The following PTPN12 variants were observed in gnomAD, a reference collection of about 807,000 sequenced individuals.
The protein encoded by PTPN12 is tyrosine-protein phosphatase non-receptor type 12.
In PTPN12, 29 loss-of-function variants were observed where a neutral mutation model predicts 97.6. The observed-to-expected ratio is 0.30, with a 90% CI of 0.22 to 0.41. The LOEUF (loss-of-function observed/expected upper bound fraction) is 0.41. Among genes scored for constraint, PTPN12 ranks in the 10% least tolerant of loss-of-function variants. PTPN12 has a pLI of 1.00. For synonymous variants in PTPN12, 327 were observed against 300.4 expected, an observed-to-expected ratio of 1.09 and a Z score of -0.91; for missense variants, 819 against 926.0, an observed-to-expected ratio of 0.88 and a Z score of 1.50.
intron 12 of PTPN12, among the ~76,000 whole-genome samples, chr7:77,624,803 T>TA (rs892371254): frequency 5.3e-5 from 8 of 151,408 alleles, no homozygotes; most frequent in Non-Finnish European, 1.2e-4. Flanking sequence ...TCTGGTTGGA[T>TA]AAAAAAAGGT....
intron 8 of PTPN12, among the ~76,000 whole-genome samples, chr7:77,601,519 T>A (rs1367273803): frequency 6.6e-6 from 1 of 152,168 alleles, no homozygotes; most frequent in Non-Finnish European, 1.5e-5. Context: ...CTTTCTTTTT[T>A]TAATATATGT....
intron 3 of PTPN12, among the ~76,000 whole-genome samples, chr7:77,582,799 A>AAT (rs1787565492): frequency 6.6e-6 from 1 of 151,698 alleles, no homozygotes; most frequent in Non-Finnish European, 1.5e-5. Context: ...AAAAAAAAAA[A>AAT]GTTTATGTGG....
chr7:77,571,088 G>C lies in PTPN12; in HGVS notation c.110G>C (p.Arg37Thr). The C allele has an allele frequency of 6.4e-7, 1 of 1,567,094 alleles. No individual in the cohort carries two copies. Among genetic ancestry groups the C allele is most frequent in the East Asian group, 2.3e-5 (1 of 42,996 alleles). Residue 37 changes from arginine to threonine, a missense_variant, in exon 2 of 18, where the codon AGA becomes ACA. This residue lies in a region of PTPN12 where 66 missense variants were observed against 133.6 expected (regional missense o/e 0.49). Coordinates refer to ENST00000248594, the MANE Select transcript of PTPN12 (RefSeq NM_002835.4). ...TTGTTGTATTTTAAGCGGTTAAGAA[G>C]ATTGTCTACCAAATATAGAACAGAA... is the stretch of plus-strand genomic sequence containing the variant. ...NFARDFMRLR[R>T]LSTKYRTEKI...
At position 77,626,878 on chromosome 7, in the gene PTPN12, AACATT is replaced by A. The variant is rs773665607; in HGVS notation, c.1200_1204del (p.Gln400HisfsTer9). The A allele has an allele frequency of 6.2e-7, 1 of 1,613,146 alleles. No homozygotes were observed. Among genetic ancestry groups the A allele is most frequent in the Non-Finnish European group, 8.5e-7 (1 of 1,179,174 alleles). On this transcript the variant is annotated frameshift_variant, in exon 13 of 18. Transcript: ENST00000248594. LOFTEE classifies it high-confidence loss of function. ...GTGTTGCATATGGTTTCATCAGAAC[AACATT>A]CAGCAGACCTCAACAGAAACTATAG...
chr7:77,616,809 G>C (rs1385294204), intron 11 of PTPN12, among the ~76,000 whole-genome samples: 1 of 151,980 alleles, frequency 6.6e-6, no homozygotes, highest in African/African-American at 2.4e-5. Context: ...TTGAGACGGA[G>C]TCTTGCTCTG....
At chr7:77,547,115 GAA>G (rs1807261935) in intron 1 of PTPN12, among the ~76,000 whole-genome samples, 1 of 152,170 alleles carries the variant, frequency 6.6e-6, no homozygotes, top group African/African-American at 2.4e-5. Context: ...GGCTCTGAAG[GAA>G]TGCAAAGATT....
intron 2 of PTPN12, among the ~76,000 whole-genome samples, chr7:77,574,292 C>T (rs1016248106): frequency 2.0e-5 from 3 of 152,038 alleles, no homozygotes; most frequent in African/African-American, 7.2e-5. Flanking sequence ...TTAAACTGGT[C>T]CTCTGAAAGT....
chr7:77,540,076 T>C (rs1379493450), intron 1 of PTPN12, among the ~76,000 whole-genome samples: 2 of 152,122 alleles, frequency 1.3e-5, no homozygotes, highest in East Asian at 1.9e-4. Context: ...TTGTTATCCC[T>C]AGGCATATAC....
chr7:77,588,004 G>A (rs1289032938), intron 5 of PTPN12, among the ~76,000 whole-genome samples: 1 of 152,188 alleles, frequency 6.6e-6, no homozygotes, highest in Non-Finnish European at 1.5e-5. Flanking sequence ...TTGTAGAAAT[G>A]TTGCAGCTGG....
chr7:77,549,044 A>G (rs1046132107), intron 1 of PTPN12, among the ~76,000 whole-genome samples: 7 of 152,178 alleles, frequency 4.6e-5, no homozygotes, highest in African/African-American at 1.7e-4. Flanking sequence ...TTTTATCTCA[A>G]ATTATGGAAA....
At position 77,635,787 on chromosome 7, in the gene PTPN12, C is replaced by G; in HGVS notation, c.2080C>G (p.Pro694Ala). The G allele has an allele frequency of 6.3e-7, 1 of 1,595,800 alleles. No individual in the cohort carries two copies. Among genetic ancestry groups the G allele is most frequent in the East Asian group, 2.3e-5 (1 of 44,246 alleles). The part of the protein sequence containing the change: ...SFVLASEHNT[P>A]VRSEWSELQS... The stretch of plus-strand genomic sequence containing the variant: ...TAAGATTTCATTTTTCTCAGATACA[C>G]CTGTAAGATCGGAATGGAGTGAACT... Residue 694 changes from proline (P) to alanine (A), a missense_variant, in exon 15 of 18, where the codon CCT becomes GCT. Physicochemically the swap from Pro to Ala is conservative, Grantham distance 27 (BLOSUM62 -1). Coordinates refer to ENST00000248594, the MANE Select transcript of PTPN12 (RefSeq NM_002835.4).
intron 12 of PTPN12, among the ~76,000 whole-genome samples, chr7:77,620,548 C>A (rs1054184268): frequency 6.6e-6 from 1 of 152,124 alleles, no homozygotes; most frequent in African/African-American, 2.4e-5. Context: ...ATAAATTGTT[C>A]CAACATAACT....
rs1787704469 is a variant in PTPN12, at chr7:77,586,732, C to G, written c.420+1151C>G. 2.6e-5 allele frequency among the ~76,000 whole-genome samples: 4 copies of G among 152,328 alleles called. No individual in the cohort carries two copies. In the South Asian group the frequency reaches 8.3e-4, roughly 32 times the overall value. On this transcript the variant is annotated intron_variant, in intron 5 of 17. Transcript: ENST00000248594. ...ACTACTTGGCAAATTGGAGTCAGTC[C>G]TTTCAAACCCTTCCACTGCTTTATC...
intron 9 of PTPN12, among the ~76,000 whole-genome samples, chr7:77,608,433 A>G (rs1361546950): frequency 1.3e-5 from 2 of 152,210 alleles, no homozygotes; most frequent in Admixed American, 6.5e-5. Flanking sequence ...ACTGTGGATG[A>G]TACAGAGATA....
chr7:77,603,089 A>G (rs1788240387), intron 8 of PTPN12, among the ~76,000 whole-genome samples: 1 of 152,220 alleles, frequency 6.6e-6, no homozygotes, highest in African/African-American at 2.4e-5. Context: ...GAATCAGTTA[A>G]CAACTTGGTT....
chr7:77,621,476 C>G (rs921135284), intron 12 of PTPN12, among the ~76,000 whole-genome samples: 1 of 152,174 alleles, frequency 6.6e-6, no homozygotes, highest in Non-Finnish European at 1.5e-5. Flanking sequence ...CGAGACCAGC[C>G]TGGCCACCAT....
At chr7:77,599,772 A>C (rs1788134767) in intron 7 of PTPN12, among the ~76,000 whole-genome samples, 1 of 152,188 alleles carries the variant, frequency 6.6e-6, no homozygotes, top group African/African-American at 2.4e-5. Flanking sequence ...GTTATTTAGG[A>C]AATGGCCAAA....
intron 6 of PTPN12, among the ~76,000 whole-genome samples, chr7:77,596,212 G>A (rs1054066679): frequency 1.3e-4 from 19 of 151,776 alleles, no homozygotes; most frequent in African/African-American, 4.6e-4. Context: ...ACTTACAAAA[G>A]CAAATTGATG....
At position 77,626,905 on chromosome 7, in the gene PTPN12, A is replaced by G. The variant is rs780590972; in HGVS notation, c.1226A>G (p.Tyr409Cys). ...CATTCAGCAGACCTCAACAGAAACTATAGTAAATCAACAGAACTTCCAGGG... is the reference window on the plus strand; with the variant it reads ...CATTCAGCAGACCTCAACAGAAACTGTAGTAAATCAACAGAACTTCCAGGG... The part of the protein sequence containing the change: ...EQHSADLNRN[Y>C]SKSTELPGKN... The change falls in exon 13 of 18, where the codon TAT (tyrosine) becomes TGT (cysteine). Residue 409 changes from tyrosine to cysteine, a missense_variant. Tyr to Cys is a radical substitution (Grantham distance 194). Transcript: ENST00000248594. 5.6e-6 allele frequency: 9 copies of G among 1,610,208 alleles called. No homozygotes were observed. The highest frequency in any genetic ancestry group is 7.6e-6 in the Non-Finnish European group (9 of 1,178,294).
Sources: allele counts gnomAD v4.1 joint callset (sites outside exome capture counted in the v4.1 genomes callset), GRCh38; gene constraint gnomAD v4.1.1; regional missense constraint gnomAD v4.1.1; transcripts MANE v1.5; gene names NCBI Gene and HGNC (gene_info 2026-07-23, HGNC 2026-07-21).